Variants in MAF observed in about 807,000 individuals in gnomAD.
MAF encodes transcription factor Maf.
A neutral mutation model predicts 22.0 loss-of-function variants in MAF; 10 were observed. The ratio of observed to expected loss-of-function variants is 0.45; its 90% CI spans 0.28 to 0.77. The LOEUF is 0.77. Ranked by LOEUF, MAF falls within the 30% of genes least tolerant of loss-of-function variation. The probability of loss-of-function intolerance (pLI) is 0.12; values close to 1 mark genes in which losing one functional copy is unlikely to be tolerated. For missense variants in MAF, 544 were observed against 548.4 expected (o/e 0.99, Z 0.08); for synonymous variants, 337 against 255.8 (o/e 1.32, Z -3.03).
the MAF span, among the ~76,000 whole-genome samples, chr16:79,345,355 G>A: frequency 2.0e-5 from 3 of 152,072 alleles, no homozygotes; most frequent in Non-Finnish European, 4.4e-5. Flanking sequence ...ATACAATGGC[G>A]ATAAGAATTT....
chr16:79,556,168 A>G, the MAF span, among the ~76,000 whole-genome samples: 472 of 152,326 alleles, frequency 3.1e-3, 3 homozygotes, highest in African/African-American at 0.011. Flanking sequence ...TGTATAAGAT[A>G]TTACAAGCAG....
the MAF span, among the ~76,000 whole-genome samples, chr16:79,469,254 G>A: frequency 6.6e-6 from 1 of 152,212 alleles, no homozygotes; most frequent in African/African-American, 2.4e-5. Flanking sequence ...TTGAGCGGTT[G>A]CAACAGACAG....
the MAF span, among the ~76,000 whole-genome samples, chr16:79,220,550 G>A: frequency 6.6e-6 from 1 of 151,940 alleles, no homozygotes; most frequent in Non-Finnish European, 1.5e-5. Context: ...TAGATATATG[G>A]TAGTTACTTA....
At chr16:79,346,298 T>C in the MAF span, among the ~76,000 whole-genome samples, 636 of 152,070 alleles carry the variant, frequency 4.2e-3, 4 homozygotes, top group African/African-American at 0.014. Context: ...GTCCTTGCGA[T>C]AGTTTGCTGA....
the MAF span, among the ~76,000 whole-genome samples, chr16:79,261,393 T>C: frequency 6.6e-6 from 1 of 152,154 alleles, no homozygotes; most frequent in East Asian, 1.9e-4. Flanking sequence ...CCTCAAGTGA[T>C]CCACCCGCCT....
the MAF span, among the ~76,000 whole-genome samples, chr16:79,345,353 G>A: frequency 6.6e-6 from 1 of 152,056 alleles, no homozygotes; most frequent in Non-Finnish European, 1.5e-5. Context: ...AAATACAATG[G>A]CGATAAGAAT....
chr16:79,288,620 T>A, the MAF span, among the ~76,000 whole-genome samples: 1 of 152,200 alleles, frequency 6.6e-6, no homozygotes, highest in South Asian at 2.1e-4. Flanking sequence ...TGTTGTTATA[T>A]AGAAATAGAT....
At chr16:79,495,145 T>C in the MAF span, among the ~76,000 whole-genome samples, 1 of 152,074 alleles carries the variant, frequency 6.6e-6, no homozygotes, top group Non-Finnish European at 1.5e-5. Context: ...ATTGATTAAA[T>C]CATTGGTTAT....
the MAF span, among the ~76,000 whole-genome samples, chr16:79,467,388 A>C: frequency 6.6e-6 from 1 of 152,220 alleles, no homozygotes; most frequent in Non-Finnish European, 1.5e-5. Flanking sequence ...AATGGCATGC[A>C]TTGAGTGCTT....
At chr16:79,418,655 C>T in the MAF span, among the ~76,000 whole-genome samples, 1 of 152,164 alleles carries the variant, frequency 6.6e-6, no homozygotes, top group South Asian at 2.1e-4. Flanking sequence ...GAATTTTTTT[C>T]TCTCTCCTAG....
chr16:79,390,011 A>T, the MAF span, among the ~76,000 whole-genome samples: 2 of 150,388 alleles, frequency 1.3e-5, no homozygotes, highest in East Asian at 2.0e-4. Context: ...AAATTAAAAT[A>T]AAAAAAAATC....
At chr16:79,285,061 G>T in the MAF span, among the ~76,000 whole-genome samples, 1 of 152,248 alleles carries the variant, frequency 6.6e-6, no homozygotes, top group South Asian at 2.1e-4. Context: ...TATTTGGCTT[G>T]CATATTGGCC....
chr16:79,269,857 G>GT, the MAF span, among the ~76,000 whole-genome samples: 2 of 152,148 alleles, frequency 1.3e-5, no homozygotes, highest in Admixed American at 1.3e-4. Flanking sequence ...GCCTCTAAGG[G>GT]AGAGGTTTGG....
At chr16:79,353,312 A>G in the MAF span, among the ~76,000 whole-genome samples, 15 of 152,256 alleles carry the variant, frequency 9.9e-5, no homozygotes, top group African/African-American at 3.6e-4. Flanking sequence ...TATTTTTAGT[A>G]GAGACAGGGT....
chr16:79,581,066 C>T (rs973279702), downstream of MAF, among the ~76,000 whole-genome samples: 5 of 152,136 alleles, frequency 3.3e-5, no homozygotes, highest in East Asian at 3.9e-4. Context: ...CAGACTCACA[C>T]GCCTTCTAAA....
At chr16:79,535,903 T>C in the MAF span, among the ~76,000 whole-genome samples, 18 of 152,228 alleles carry the variant, frequency 1.2e-4, no homozygotes, top group East Asian at 2.9e-3. Flanking sequence ...TTAGAAGCAA[T>C]AGTTTAGCTA....
chr16:79,562,689 C>A, the MAF span, among the ~76,000 whole-genome samples: 1 of 152,146 alleles, frequency 6.6e-6, no homozygotes, highest in African/African-American at 2.4e-5. Flanking sequence ...CATTCTTAAT[C>A]CCCCATGCTT....
At chr16:79,301,133 G>C in the MAF span, among the ~76,000 whole-genome samples, 1 of 152,282 alleles carries the variant, frequency 6.6e-6, no homozygotes, top group Non-Finnish European at 1.5e-5. Flanking sequence ...AGCTGCTCTT[G>C]CTACACGAGA....
At chr16:79,430,018 G>C in the MAF span, among the ~76,000 whole-genome samples, 1 of 152,068 alleles carries the variant, frequency 6.6e-6, no homozygotes, top group Non-Finnish European at 1.5e-5. Context: ...TTCTGGGCTG[G>C]GGACCAAAGT....
Sources: allele counts gnomAD v4.1 joint callset (sites outside exome capture counted in the v4.1 genomes callset), GRCh38; gene constraint gnomAD v4.1.1; transcripts MANE v1.5; gene names NCBI Gene and HGNC (gene_info 2026-07-23, HGNC 2026-07-21).